Variants in MTERF3 observed in about 807,000 individuals in gnomAD.
The protein encoded by MTERF3 is mitochondrial transcription termination factor 3.
MTERF3 carries 40 observed loss-of-function variants against 40.5 expected under a neutral mutation model. The ratio of observed to expected loss-of-function variants is 0.99; its 90% CI spans 0.77 to 1.29. MTERF3 has a LOEUF of 1.29. MTERF3 is among the 50% of genes most tolerant of loss of function. The pLI is 0.00. For missense variants in MTERF3, 452 were observed against 478.2 expected, an observed-to-expected ratio of 0.95 and a Z score of 0.51; for synonymous variants, 158 against 166.6, an observed-to-expected ratio of 0.95 and a Z score of 0.40.
intron 7 of MTERF3, among the ~76,000 whole-genome samples, chr8:96,241,434 CAAAA>C (rs200357980): frequency 6.6e-6 from 1 of 150,518 alleles, no homozygotes; most frequent in Admixed American, 6.6e-5. Flanking sequence ...AAACAAAAAA[CAAAA>C]AAAAACTATC....
chr8:96,258,717 T>A lies in MTERF3; in HGVS notation c.-10-17A>T. ...TTTCTTAGTCTACAAAGGAAAGATA[T>A]AACCGTCAAAAGAAGAGAAATTTAA... On this transcript the variant is annotated splice_polypyrimidine_tract_variant and intron_variant, in intron 1 of 7. Coordinates refer to ENST00000287025, the MANE Select transcript of MTERF3 (RefSeq NM_015942.5). The A allele has an allele frequency of 1.3e-5, 20 of 1,510,060 alleles. No individual in the cohort carries two copies. Among genetic ancestry groups the A allele is most frequent in the Non-Finnish European group, 1.8e-5 (20 of 1,116,450 alleles). The allele number at this position is 1,510,060 out of a possible 1,614,324, so 93.5% of individuals were successfully genotyped here. A position where few individuals can be genotyped will look rare whatever the true frequency, so the allele number is the denominator to read the frequency against.
intron 7 of MTERF3, among the ~76,000 whole-genome samples, chr8:96,240,549 CAAAGTAA>C (rs1182801231): frequency 6.6e-6 from 1 of 152,136 alleles, no homozygotes; most frequent in Non-Finnish European, 1.5e-5. Flanking sequence ...TTACCTGCCT[CAAAGTAA>C]AACTCCTAAA....
rs769392554 is a variant in MTERF3, at chr8:96,257,019, A to G, written c.430T>C (p.Phe144Leu). The G allele has an allele frequency of 6.2e-7, 1 of 1,613,972 alleles. No homozygotes were observed. The highest frequency in any genetic ancestry group is 2.2e-5 in the East Asian group (1 of 44,880). Reference protein sequence around the residue: ...IADPPLPPASFTLRDYVDHSE... With the variant: ...IADPPLPPASLTLRDYVDHSE... ...TGATCCACATAGTCTCGAAGTGTGA[A>G]TGAAGCTGGTGGCAATGGAGGGTCT... Residue 144 changes from phenylalanine to leucine, a missense_variant, in exon 3 of 8, where the codon TTC becomes CTC. Phe to Leu is a conservative substitution (Grantham distance 22). Coordinates refer to ENST00000287025, the MANE Select transcript of MTERF3 (RefSeq NM_015942.5).
Position 96,257,041 on chromosome 8 carries a change from G to A in MTERF3, c.408C>T (p.Asp136=). 6.2e-7 allele frequency: 1 copy of A among 1,613,962 alleles called. No individual in the cohort carries two copies. Among genetic ancestry groups the A allele is most frequent in the Non-Finnish European group, 8.5e-7 (1 of 1,179,886 alleles). ...TGAATGAAGCTGGTGGCAATGGAGG[G>A]TCTGCAATAATCTGAATAGCCTCTT... ...SEEEAIQIIA[D]PPLPPASFTL... is the part of the protein sequence containing the mutation. The change falls in exon 3 of 8, where the codon GAC becomes GAT. Residue 136 remains aspartate (D), a synonymous_variant. Coordinates refer to ENST00000287025, the MANE Select transcript of MTERF3 (RefSeq NM_015942.5).
At position 96,258,444 on chromosome 8, in the gene MTERF3, C is replaced by G. The variant is rs1281219961; in HGVS notation, c.247G>C (p.Ala83Pro). 1 of 1,614,108 alleles carries G rather than the reference C, an allele frequency of 6.2e-7. No individual in the cohort carries two copies. Among genetic ancestry groups the G allele is most frequent in the Non-Finnish European group, 8.5e-7 (1 of 1,179,988 alleles). The change falls in exon 2 of 8, where the codon GCC becomes CCC. Residue 83 changes from alanine (A) to proline (P), a missense_variant. Physicochemically the swap from Ala to Pro is conservative, Grantham distance 27. Coordinates refer to ENST00000287025, the MANE Select transcript of MTERF3 (RefSeq NM_015942.5). Reference protein sequence around the residue: ...TSSSSQENNSAQSSLLPSMNE... With the variant: ...TSSSSQENNSPQSSLLPSMNE... ...ATGGAAGGAAGCAGACTGCTTTGGG[C>G]AGAATTATTCTCCTGACTACTTGAG...
At chr8:96,259,478 A>G (rs1810340989) in intron 1 of MTERF3, among the ~76,000 whole-genome samples, 1 of 152,262 alleles carries the variant, frequency 6.6e-6, no homozygotes, top group South Asian at 2.1e-4. Flanking sequence ...TTTGACTGAA[A>G]AAGTAGTTTT....
At chr8:96,259,980 C>A (rs1349253181) in intron 1 of MTERF3, among the ~76,000 whole-genome samples, 1 of 152,026 alleles carries the variant, frequency 6.6e-6, no homozygotes, top group African/African-American at 2.4e-5. Flanking sequence ...TCTTGGCTCA[C>A]TGCAACCTCT....
chr8:96,250,566 CCAGGCATGGTGGCCACCTGTAGT>C (rs1410827114), intron 4 of MTERF3, among the ~76,000 whole-genome samples: 2 of 141,730 alleles, frequency 1.4e-5, no homozygotes, highest in East Asian at 4.2e-4. Flanking sequence ...CAAAAATTAG[CCAGGCATGGTGGCCACCTGTAGT>C]CACCCAGCTA....
intron 2 of MTERF3, chr8:96,257,402 T>C: frequency 4.2e-6 from 1 of 236,810 alleles, no homozygotes; most frequent in Non-Finnish European, 8.1e-6. Flanking sequence ...TCACCTAACT[T>C]TCAAGTGAAT....
At chr8:96,250,249 T>A (rs1011283896) in intron 4 of MTERF3, among the ~76,000 whole-genome samples, 1 of 151,178 alleles carries the variant, frequency 6.6e-6, no homozygotes, top group Non-Finnish European at 1.5e-5. Flanking sequence ...CAACAAAAAT[T>A]GGCCAGACAA....
chr8:96,258,016 AC>A (rs1249120848), intron 2 of MTERF3, among the ~76,000 whole-genome samples: 1 of 152,360 alleles, frequency 6.6e-6, no homozygotes, highest in South Asian at 2.1e-4. Context: ...AATTCATAGA[AC>A]TATATATCCC....
intron 7 of MTERF3, 29 bp downstream of exon 7, chr8:96,243,890 C>T: frequency 1.2e-6 from 2 of 1,609,404 alleles, no homozygotes; most frequent in South Asian, 2.2e-5. Context: ...AATGGCAGCG[C>T]TTACAGAGAG....
At chr8:96,245,823 A>G in intron 6 of MTERF3, 37 bp downstream of exon 6, 1 of 1,578,636 alleles carries the variant, frequency 6.3e-7, no homozygotes, top group Non-Finnish European at 8.7e-7. Context: ...TAACACTTAA[A>G]GAAACTGATT....
In MTERF3 at chr8:96,239,621, G is replaced by A. The variant is rs1809883026; in HGVS notation, c.1124C>T (p.Ala375Val). Residue 375 changes from alanine to valine, a missense_variant, in exon 8 of 8, where the codon GCA becomes GTA. Transcript: ENST00000287025. The part of the protein sequence containing the change: ...RHLFLTYLGR[A>V]QYDPAKPNYI... The stretch of plus-strand genomic sequence containing the variant: ...GTTAGGTTTTGCTGGATCATACTGT[G>A]CTCTTCCTAAATAGGTAAGAAACAA... 1.2e-6 allele frequency: 2 copies of A among 1,611,582 alleles called. No individual in the cohort carries two copies. The highest frequency in any genetic ancestry group is 1.3e-5 in the African/African-American group (1 of 74,672).
chr8:96,250,558 A>G (rs1810120746), intron 4 of MTERF3, among the ~76,000 whole-genome samples: 1 of 145,680 alleles, frequency 6.9e-6, no homozygotes, highest in African/African-American at 2.6e-5. Flanking sequence ...TAAAAATACA[A>G]AAATTAGCCA....
intron 4 of MTERF3, among the ~76,000 whole-genome samples, chr8:96,248,102 C>T (rs1457671845): frequency 6.6e-6 from 1 of 152,202 alleles, no homozygotes; most frequent in African/African-American, 2.4e-5. Context: ...GGGAAGCTGG[C>T]ACTTCTGTAC....
chr8:96,241,282 C>T (rs773442748), intron 7 of MTERF3, among the ~76,000 whole-genome samples: 1 of 151,794 alleles, frequency 6.6e-6, no homozygotes, highest in African/African-American at 2.4e-5. Flanking sequence ...TGGTGGCAGG[C>T]GCTTGTAGTC....
At position 96,251,099 on chromosome 8, in the gene MTERF3, T is replaced by C; in HGVS notation, c.488-4A>G. Reference sequence around the variant, plus strand: ...TCTATCTTGGACAAATCCACGCCTATAATAAATTATAAATACTGTTTGAAG... The same window carrying C: ...TCTATCTTGGACAAATCCACGCCTACAATAAATTATAAATACTGTTTGAAG... On this transcript the variant is annotated splice_region_variant and splice_polypyrimidine_tract_variant and intron_variant, in intron 3 of 7. Transcript: ENST00000287025. 1 of 1,565,542 alleles carries C rather than the reference T, an allele frequency of 6.4e-7. No homozygotes were observed. Among genetic ancestry groups the C allele is most frequent in the East Asian group, 2.3e-5 (1 of 44,020 alleles).
rs185724768 is a variant in MTERF3, at chr8:96,248,066, A to T, written c.678-1612T>A. On this transcript the variant is annotated intron_variant, in intron 4 of 7. Coordinates refer to ENST00000287025, the MANE Select transcript of MTERF3 (RefSeq NM_015942.5). ...TACAATCAACTGAAAGCAAAGTGTG[A>T]TAGCACTGTATCTGTAAGGATAACA... 4.6e-5 allele frequency among the ~76,000 whole-genome samples: 7 copies of T among 152,390 alleles called. No homozygotes were observed. In the East Asian group the frequency reaches 1.3e-3, roughly 29 times the overall value.
Sources: gnomAD v4.1 joint callset for allele counts (sites outside exome capture counted in the v4.1 genomes callset) on GRCh38, gnomAD v4.1.1 for gene constraint, MANE v1.5 for transcripts, NCBI Gene and HGNC (gene_info 2026-07-23, HGNC 2026-07-21) for gene names.